TEX9: variants seen among roughly 807,000 people sequenced by gnomAD.
TEX9 encodes testis expressed 9, also known as testis-expressed protein 9.
Under a neutral mutation model 59.6 loss-of-function variants are expected in TEX9, and 74 were observed. The observed-to-expected ratio is 1.24, with a 90% CI of 1.03 to 1.51. The LOEUF is 1.51. TEX9 is among the 40% of genes most tolerant of loss of function. TEX9 has a pLI of 0.00. For synonymous variants in TEX9, 186 were observed against 152.2 expected, an observed-to-expected ratio of 1.22 and a Z score of -1.64; for missense variants, 522 against 447.8, an observed-to-expected ratio of 1.17 and a Z score of -1.49.
At chr15:56,439,844 G>T (rs896761554) in intron 12 of TEX9, among the ~76,000 whole-genome samples, 1 of 150,164 alleles carries the variant, frequency 6.7e-6, no homozygotes, top group Non-Finnish European at 1.5e-5. Context: ...TAGGCGAAGA[G>T]TTTCTAGAGT....
At chr15:56,316,419 G>A (rs183480706) in intron 1 of TEX9, among the ~76,000 whole-genome samples, 5,198 of 96,498 alleles carry the variant, frequency 0.054, 142 homozygotes, top group Admixed American at 0.12. Context: ...CGTGTGAGGC[G>A]TCAGTGTGCC....
intron 3 of TEX9, among the ~76,000 whole-genome samples, chr15:56,378,198 C>G (rs1207793343): frequency 6.6e-6 from 1 of 151,870 alleles, no homozygotes; most frequent in Non-Finnish European, 1.5e-5. Context: ...TTTGATGTGT[C>G]TTTGGTTTTG....
At chr15:56,270,097 T>C (rs1172075910) in intron 1 of TEX9, among the ~76,000 whole-genome samples, 1 of 152,200 alleles carries the variant, frequency 6.6e-6, no homozygotes, top group African/African-American at 2.4e-5. Context: ...AATTGTGATG[T>C]GGTGCTGAGA....
chr15:56,282,611 T>G (rs17238649), intron 1 of TEX9, among the ~76,000 whole-genome samples: 6,693 of 152,216 alleles, frequency 0.044, 224 homozygotes, highest in Admixed American at 0.086. Context: ...TGACTTTTAT[T>G]AAAACACTAA....
chr15:56,266,446 G>A (rs1391588926), intron 1 of TEX9, among the ~76,000 whole-genome samples: 2 of 151,782 alleles, frequency 1.3e-5, no homozygotes, highest in South Asian at 2.1e-4. Context: ...GTTTACTTTA[G>A]GTATTTTTCC....
upstream of TEX9, among the ~76,000 whole-genome samples, chr15:56,361,669 A>C (rs1247633389): frequency 6.6e-6 from 1 of 151,586 alleles, no homozygotes; most frequent in African/African-American, 2.4e-5. Context: ...TTACAGATGT[A>C]ATCACGTTAG....
chr15:56,390,712 A>G (rs2048168299), intron 6 of TEX9, among the ~76,000 whole-genome samples: 1 of 151,974 alleles, frequency 6.6e-6, no homozygotes, highest in Non-Finnish European at 1.5e-5. Context: ...TTGGGTGGAA[A>G]AAATGTTGTT....
At chr15:56,347,397 A>G (rs1278731071) in intron 1 of TEX9, among the ~76,000 whole-genome samples, 3 of 152,152 alleles carry the variant, frequency 2.0e-5, no homozygotes, top group Non-Finnish European at 2.9e-5. Flanking sequence ...TTAGTGGAAT[A>G]TAACAGAGAA....
At chr15:56,431,313 C>T (rs776726261) in intron 12 of TEX9, 103 of 1,572,898 alleles carry the variant, frequency 6.5e-5, no homozygotes, top group Non-Finnish European at 8.1e-5. Context: ...AATCCAAATA[C>T]CATGTTTTTT....
At chr15:56,398,603 C>CA (rs1295165575) in intron 9 of TEX9, among the ~76,000 whole-genome samples, 2 of 152,152 alleles carry the variant, frequency 1.3e-5, no homozygotes, top group South Asian at 2.1e-4. Flanking sequence ...CCATCATGTC[C>CA]AATCCTGTGC....
chr15:56,333,850 CAG>C (rs1307141896), intron 1 of TEX9, among the ~76,000 whole-genome samples: 1 of 152,056 alleles, frequency 6.6e-6, no homozygotes, highest in Non-Finnish European at 1.5e-5. Flanking sequence ...ATACAAAAAT[CAG>C]TAGCATTTTT....
chr15:56,245,609 T>A (rs955479743), intron 1 of TEX9, among the ~76,000 whole-genome samples: 3 of 152,230 alleles, frequency 2.0e-5, no homozygotes, highest in Non-Finnish European at 4.4e-5. Flanking sequence ...AAATAGCTAA[T>A]GTTTGTTGAA....
At chr15:56,442,509 C>G (rs1467920265) in intron 12 of TEX9, among the ~76,000 whole-genome samples, 1 of 152,116 alleles carries the variant, frequency 6.6e-6, no homozygotes, top group Non-Finnish European at 1.5e-5. Flanking sequence ...CAATGGTGGA[C>G]TGGATAAATA....
At chr15:56,263,550 GT>G (rs759524352) in intron 1 of TEX9, among the ~76,000 whole-genome samples, 29 of 150,632 alleles carry the variant, frequency 1.9e-4, no homozygotes, top group Non-Finnish European at 1.3e-4. Context: ...TTTAATTCAG[GT>G]TTATTGAGGT....
chr15:56,323,978 A>C (rs963994095), intron 1 of TEX9, among the ~76,000 whole-genome samples: 1 of 152,156 alleles, frequency 6.6e-6, no homozygotes, highest in Non-Finnish European at 1.5e-5. Flanking sequence ...ATGTCTTTAG[A>C]TATCATGCCC....
chr15:56,282,059 CCTT>C (rs2141459210), intron 1 of TEX9, among the ~76,000 whole-genome samples: 1 of 152,170 alleles, frequency 6.6e-6, no homozygotes, highest in South Asian at 2.1e-4. Context: ...TTTTAGTAAT[CCTT>C]CTTATTTAAC....
rs572354572 is a variant in TEX9, at chr15:56,323,883, G to A, written c.-106-49558G>A. Among the ~76,000 whole-genome samples the A allele has an allele frequency of 9.1e-4, 139 of 152,184 alleles. No individual in the cohort carries two copies. The Middle Eastern group carries it at 0.01, about 11-fold the overall frequency. On this transcript the variant is annotated intron_variant, in intron 1 of 5. Transcript: ENST00000560827. Reference sequence around the variant, plus strand: ...CTGTACACAACTCACTCCTTTTAAAGAAAATAATTGAAATGTAAGGCTCTG... The same window carrying A: ...CTGTACACAACTCACTCCTTTTAAAAAAAATAATTGAAATGTAAGGCTCTG...
chr15:56,294,204 A>T (rs932165306), intron 1 of TEX9, among the ~76,000 whole-genome samples: 1 of 152,164 alleles, frequency 6.6e-6, no homozygotes, highest in South Asian at 2.1e-4. Flanking sequence ...TGTCAAAAAG[A>T]TGTTTCACTT....
chr15:56,430,915 C>T (rs1015067724), intron 12 of TEX9, among the ~76,000 whole-genome samples: 4 of 152,176 alleles, frequency 2.6e-5, no homozygotes, highest in African/African-American at 9.7e-5. Context: ...CCACCCAGCA[C>T]TTGGGGAGGC....
Sources: gnomAD v4.1 joint callset for allele counts (sites outside exome capture counted in the v4.1 genomes callset) on GRCh38, gnomAD v4.1.1 for gene constraint, MANE v1.5 for transcripts, NCBI Gene and HGNC (gene_info 2026-07-23, HGNC 2026-07-21) for gene names.